The following FBXL20 variants were observed in gnomAD, a reference collection of about 807,000 sequenced individuals.
FBXL20 encodes F-box and leucine rich repeat protein 20.
Under a neutral mutation model 64.0 loss-of-function variants are expected in FBXL20, and 11 were observed. That is an observed-to-expected ratio of 0.17 (90% CI 0.11 to 0.28). The LOEUF (loss-of-function observed/expected upper bound fraction) is 0.28, where lower values mean the gene tolerates loss of function less well. Ranked by LOEUF, FBXL20 falls within the 10% of genes least tolerant of loss-of-function variation. The probability of loss-of-function intolerance (pLI) is 1.00; values close to 1 mark genes in which losing one functional copy is unlikely to be tolerated. For synonymous variants in FBXL20, 184 were observed against 189.0 expected, an observed-to-expected ratio of 0.97 and a Z score of 0.22; for missense variants, 303 against 526.2, an observed-to-expected ratio of 0.58 and a Z score of 4.15.
chr17:39,352,700 AAAG>A (rs895793920), intron 1 of FBXL20, among the ~76,000 whole-genome samples: 10 of 151,738 alleles, frequency 6.6e-5, no homozygotes, highest in African/African-American at 9.7e-5. Context: ...AAAAAAAAGA[AAAG>A]AAGAAAAAAA....
At position 39,253,973 on chromosome 17, in the gene FBXL20, A is replaced by C. The variant is rs1200848836; in HGVS notation, c.*7487T>G. On this transcript the variant is annotated 3_prime_UTR_variant, in exon 15 of 15. Coordinates refer to ENST00000264658, the MANE Select transcript of FBXL20 (RefSeq NM_032875.3). ...AGAATAATGACTTCAAGGCCTGAGA[A>C]GGTTCAGGCTAAGGTAAGAAACATA... 6.6e-6 allele frequency: 1 copy of C among 152,290 alleles called. No homozygotes were observed. The highest frequency in any genetic ancestry group is 1.5e-5 in the Non-Finnish European group (1 of 68,042). The allele number at this position is 152,290 out of a possible 1,614,324, so 9.4% of individuals were successfully genotyped here.
chr17:39,279,369 C>T (rs1375838777), intron 9 of FBXL20, among the ~76,000 whole-genome samples: 1 of 151,608 alleles, frequency 6.6e-6, no homozygotes, highest in Non-Finnish European at 1.5e-5. Context: ...TGTGGTGGCA[C>T]ACACCTGTAG....
chr17:39,322,163 CAAAAAAAAAA>C (rs761771926), intron 2 of FBXL20, among the ~76,000 whole-genome samples: 8 of 52,550 alleles, frequency 1.5e-4, no homozygotes, highest in African/African-American at 2.2e-4. Context: ...CTATCTCTAC[CAAAAAAAAAA>C]AAAAAAAAAA....
chr17:39,344,141 C>T (rs1407282404), intron 1 of FBXL20, among the ~76,000 whole-genome samples: 2 of 152,108 alleles, frequency 1.3e-5, no homozygotes, highest in African/African-American at 4.8e-5. Flanking sequence ...GGATTGCAGG[C>T]ATGAGCCACC....
chr17:39,348,506 G>A (rs2047656172), intron 1 of FBXL20, among the ~76,000 whole-genome samples: 2 of 151,980 alleles, frequency 1.3e-5, no homozygotes, highest in South Asian at 4.1e-4. Context: ...TGACCAGGCT[G>A]GTCTGAAACT....
intron 9 of FBXL20, among the ~76,000 whole-genome samples, chr17:39,275,439 T>G (rs1053005226): frequency 6.6e-6 from 1 of 151,932 alleles, no homozygotes; most frequent in Non-Finnish European, 1.5e-5. Context: ...GGAGATAGAG[T>G]CTCACTCTAT....
intron 1 of FBXL20, among the ~76,000 whole-genome samples, chr17:39,395,585 G>C (rs189358944): frequency 1.3e-5 from 2 of 152,310 alleles, no homozygotes; most frequent in Non-Finnish European, 2.9e-5. Context: ...CCAGTTGCTA[G>C]AGTGTTAAAA....
intron 2 of FBXL20, among the ~76,000 whole-genome samples, chr17:39,322,380 A>G (rs2047365386): frequency 6.6e-6 from 1 of 152,314 alleles, no homozygotes; most frequent in East Asian, 1.9e-4. Flanking sequence ...TAAACTCCCA[A>G]AAAGTTTACA....
intron 2 of FBXL20, among the ~76,000 whole-genome samples, chr17:39,326,923 G>A (rs891670637): frequency 2.2e-5 from 3 of 138,862 alleles, no homozygotes; most frequent in African/African-American, 8.1e-5. Flanking sequence ...ACTCTGTCAC[G>A]CAGACTGGAG....
chr17:39,303,662 C>G, intron 2 of FBXL20, 23 bp from the exon 3 acceptor site: 1 of 1,590,774 alleles, frequency 6.3e-7, no homozygotes, highest in South Asian at 1.1e-5. Flanking sequence ...GAGAGAAAGA[C>G]AAATTTTATT....
chr17:39,367,978 A>G (rs1215785631), intron 1 of FBXL20, among the ~76,000 whole-genome samples: 4 of 151,496 alleles, frequency 2.6e-5, no homozygotes, highest in Non-Finnish European at 5.9e-5. Flanking sequence ...GGGTTTCACT[A>G]TGTTGGCCAG....
chr17:39,267,505 G>GA (rs965193885), intron 12 of FBXL20, among the ~76,000 whole-genome samples: 3 of 152,134 alleles, frequency 2.0e-5, no homozygotes, highest in African/African-American at 7.2e-5. Flanking sequence ...AGTGCTCTAT[G>GA]AAAAAAATTA....
chr17:39,314,550 A>G (rs2144493486), intron 2 of FBXL20, among the ~76,000 whole-genome samples: 1 of 152,146 alleles, frequency 6.6e-6, no homozygotes, highest in East Asian at 1.9e-4. Flanking sequence ...TAGTAGAGAC[A>G]GAGTTTCACC....
intron 1 of FBXL20, among the ~76,000 whole-genome samples, chr17:39,398,418 G>A (rs1315547543): frequency 1.3e-5 from 2 of 152,158 alleles, no homozygotes; most frequent in African/African-American, 2.4e-5. Context: ...AAAATTTGCT[G>A]CAAAGTTTAC....
chr17:39,369,977 G>A (rs970848650), intron 1 of FBXL20, among the ~76,000 whole-genome samples: 4 of 152,012 alleles, frequency 2.6e-5, no homozygotes, highest in African/African-American at 9.7e-5. Context: ...GCTCACACCT[G>A]TAGTCCCAGC....
intron 1 of FBXL20, among the ~76,000 whole-genome samples, chr17:39,400,368 C>T (rs186503475): frequency 1.3e-5 from 2 of 152,250 alleles, no homozygotes; most frequent in African/African-American, 2.4e-5. Flanking sequence ...ACTTTTGTCT[C>T]GCCGTCTTAC....
intron 6 of FBXL20, among the ~76,000 whole-genome samples, chr17:39,293,061 G>C (rs2047054633): frequency 6.6e-6 from 1 of 152,008 alleles, no homozygotes; most frequent in African/African-American, 2.4e-5. Flanking sequence ...CCAAAGTGCT[G>C]GGATTACAGG....
intron 1 of FBXL20, among the ~76,000 whole-genome samples, chr17:39,377,773 G>A (rs1036436962): frequency 6.6e-6 from 1 of 152,150 alleles, no homozygotes; most frequent in African/African-American, 2.4e-5. Context: ...AAAGTGCTGG[G>A]ATTACAGGCG....
At chr17:39,323,841 C>T (rs533152182) in intron 2 of FBXL20, among the ~76,000 whole-genome samples, 3 of 150,888 alleles carry the variant, frequency 2.0e-5, no homozygotes, top group South Asian at 2.1e-4. Context: ...GATGCAATCT[C>T]GGCTCACTGC....
Sources: allele counts gnomAD v4.1 joint callset (sites outside exome capture counted in the v4.1 genomes callset), GRCh38; gene constraint gnomAD v4.1.1; transcripts MANE v1.5; gene names NCBI Gene and HGNC (gene_info 2026-07-23, HGNC 2026-07-21).